Variants in FAM3C observed in about 807,000 individuals in gnomAD.
FAM3C encodes protein FAM3C.
Under a neutral mutation model 32.5 loss-of-function variants are expected in FAM3C, and 15 were observed. The observed-to-expected ratio is 0.46, with a 90% CI of 0.31 to 0.71. The LOEUF (loss-of-function observed/expected upper bound fraction) is 0.71, where lower values mean the gene tolerates loss of function less well. Ranked by LOEUF, FAM3C falls within the 30% of genes least tolerant of loss-of-function variation. The pLI is 0.05. For missense variants in FAM3C, 175 were observed against 274.4 expected, an observed-to-expected ratio of 0.64 and a Z score of 2.56; for synonymous variants, 75 against 86.1, an observed-to-expected ratio of 0.87 and a Z score of 0.72.
chr7:121,368,089 T>G (rs998371342), intron 5 of FAM3C, among the ~76,000 whole-genome samples: 8 of 152,198 alleles, frequency 5.3e-5, no homozygotes, highest in African/African-American at 1.9e-4. Flanking sequence ...AAAACACATC[T>G]TTATCAGCAT....
intron 9 of FAM3C, among the ~76,000 whole-genome samples, chr7:121,350,848 T>C (rs1264457049): frequency 1.3e-5 from 2 of 152,142 alleles, no homozygotes; most frequent in African/African-American, 4.8e-5. Context: ...GATTCTAAAA[T>C]CCAAAGCTCA....
chr7:121,369,997 T>TA (rs1794113356), intron 5 of FAM3C, among the ~76,000 whole-genome samples: 1 of 152,216 alleles, frequency 6.6e-6, no homozygotes, highest in Admixed American at 6.5e-5. Context: ...GGGGGCAGAA[T>TA]AGATGTCCAA....
At chr7:121,371,506 A>T (rs982026189) in intron 4 of FAM3C, 83 bp from the exon 5 acceptor site, 1 of 1,382,808 alleles carries the variant, frequency 7.2e-7, no homozygotes, top group Non-Finnish European at 1.0e-6. Context: ...CTCAAACCAC[A>T]AAGAGCATTA....
chr7:121,381,656 CCACACACACACACACA>C (rs67277678), intron 2 of FAM3C, among the ~76,000 whole-genome samples: 2 of 142,334 alleles, frequency 1.4e-5, no homozygotes, highest in African/African-American at 5.1e-5. Context: ...CAAAGAACAT[CCACACACACACACACA>C]CACACACACA....
chr7:121,382,374 A>C (rs184015274), intron 2 of FAM3C, among the ~76,000 whole-genome samples: 3 of 152,298 alleles, frequency 2.0e-5, no homozygotes, highest in African/African-American at 7.2e-5. Context: ...GCAAAAACAC[A>C]TATTTTATCG....
chr7:121,364,431 GAAAT>G (rs1175531587), intron 5 of FAM3C: 2 of 406,346 alleles, frequency 4.9e-6, no homozygotes, highest in Non-Finnish European at 8.7e-6. Context: ...TATTAGGCCT[GAAAT>G]AATAGACCAT....
intron 5 of FAM3C, among the ~76,000 whole-genome samples, chr7:121,369,961 T>C (rs1446354650): frequency 1.3e-5 from 2 of 152,218 alleles, no homozygotes; most frequent in African/African-American, 2.4e-5. Context: ...TCTCTTCTTC[T>C]CTGAACTAAA....
At chr7:121,364,419 A>G in intron 5 of FAM3C, 1 of 439,160 alleles carries the variant, frequency 2.3e-6, no homozygotes, top group Non-Finnish European at 4.0e-6. Flanking sequence ...CATATTAAAA[A>G]ATATTAGGCC....
intron 2 of FAM3C, among the ~76,000 whole-genome samples, chr7:121,380,049 GAACT>G (rs1404127621): frequency 1.3e-5 from 2 of 152,110 alleles, no homozygotes; most frequent in Non-Finnish European, 2.9e-5. Context: ...GTTAGGCTTT[GAACT>G]CTTCTCCCCA....
Position 121,364,235 on chromosome 7 carries a change from A to G in FAM3C, c.273-47T>C, listed in dbSNP as rs570319059. On this transcript the variant is annotated intron_variant, in intron 5 of 9. Transcript: ENST00000359943. ...TAAATTTAGAATTAAATATTGTACAATAACATATCAGAAAAATAAAGTCTT... is the reference window on the plus strand; with the variant it reads ...TAAATTTAGAATTAAATATTGTACAGTAACATATCAGAAAAATAAAGTCTT... 150 of 1,202,908 alleles carry G rather than the reference A, an allele frequency of 1.2e-4. 1 individual carries two copies. The South Asian group carries it at 1.8e-3, about 15-fold the overall frequency. The allele number at this position is 1,202,908 out of a possible 1,614,324, so 74.5% of individuals were successfully genotyped here.
At chr7:121,382,187 T>G (rs1287753972) in intron 2 of FAM3C, among the ~76,000 whole-genome samples, 1 of 152,114 alleles carries the variant, frequency 6.6e-6, no homozygotes, top group South Asian at 2.1e-4. Flanking sequence ...CAGGAAGAGG[T>G]CATCAGCCCC....
At position 121,382,945 on chromosome 7, in the gene FAM3C, T is replaced by C; in HGVS notation, c.13+12A>G. 1.9e-6 allele frequency: 3 copies of C among 1,591,270 alleles called. No individual in the cohort carries two copies. Among genetic ancestry groups the C allele is most frequent in the Non-Finnish European group, 2.6e-6 (3 of 1,163,190 alleles). On this transcript the variant is annotated intron_variant, in intron 2 of 9. Transcript: ENST00000359943. ...AAAAGTACAATTACTTCTACTAAAT[T>C]AAATATCTTACCTGCTACCCTCATG...
chr7:121,376,900 G>A lies in FAM3C; in HGVS notation c.118+2010C>T, dbSNP rs540113468. 5.0e-4 allele frequency among the ~76,000 whole-genome samples: 76 copies of A among 152,166 alleles called. 1 individual carries two copies. The highest frequency in any genetic ancestry group is 1.7e-3 in the African/African-American group (72 of 41,516). ...TCCAGACACTAACTCAGAAATCTAC[G>A]TTTACTAAGATTCTCTGGAGATTCT... On this transcript the variant is annotated intron_variant, in intron 3 of 9. Transcript: ENST00000359943.
chr7:121,367,221 G>T (rs1794039171), intron 5 of FAM3C, among the ~76,000 whole-genome samples: 2 of 152,126 alleles, frequency 1.3e-5, no homozygotes, highest in South Asian at 4.1e-4. Context: ...TAAAGGAAAT[G>T]ATTATATCAT....
chr7:121,375,738 A>G (rs148114610), intron 3 of FAM3C, among the ~76,000 whole-genome samples: 2 of 152,242 alleles, frequency 1.3e-5, no homozygotes, highest in Non-Finnish European at 2.9e-5. Context: ...CTTCTCTTCA[A>G]TCTTCTTTCT....
intron 5 of FAM3C, among the ~76,000 whole-genome samples, chr7:121,367,846 G>C (rs988905832): frequency 6.6e-6 from 1 of 152,010 alleles, no homozygotes; most frequent in Non-Finnish European, 1.5e-5. Flanking sequence ...TGCGCCTGTA[G>C]TCCCAGCTAC....
chr7:121,371,499 A>C, intron 4 of FAM3C, 76 bp from the exon 5 acceptor site: 71 of 1,450,468 alleles, frequency 4.9e-5, no homozygotes, highest in Non-Finnish European at 5.8e-5. Flanking sequence ...TTCAAATCTC[A>C]AACCACAAAG....
At chr7:121,382,685 T>C (rs1794382348) in intron 2 of FAM3C, among the ~76,000 whole-genome samples, 1 of 151,748 alleles carries the variant, frequency 6.6e-6, no homozygotes, top group Non-Finnish European at 1.5e-5. Flanking sequence ...GCTCATAAAG[T>C]TTTAGATTTT....
intron 2 of FAM3C, among the ~76,000 whole-genome samples, chr7:121,381,395 T>A (rs892712486): frequency 6.6e-5 from 10 of 152,148 alleles, no homozygotes; most frequent in Non-Finnish European, 1.3e-4. Context: ...TCAAGGCAGT[T>A]CCCTCAAGAC....
Sources: allele counts gnomAD v4.1 joint callset (sites outside exome capture counted in the v4.1 genomes callset), GRCh38; gene constraint gnomAD v4.1.1; transcripts MANE v1.5; gene names NCBI Gene and HGNC (gene_info 2026-07-23, HGNC 2026-07-21).